Variants in SYT10 observed in about 807,000 individuals in gnomAD.
SYT10 encodes the protein synaptotagmin-10.
In SYT10, 31 loss-of-function variants were observed where a neutral mutation model predicts 51.1. The observed-to-expected ratio is 0.61, with a 90% CI of 0.46 to 0.82. The LOEUF (loss-of-function observed/expected upper bound fraction) is 0.82. Ranked by LOEUF, SYT10 falls within the 40% of genes least tolerant of loss-of-function variation. The pLI, the probability that SYT10 is intolerant of heterozygous loss-of-function variation, is 0.00. For synonymous variants in SYT10, 233 were observed against 225.9 expected (o/e 1.03, Z -0.28); for missense variants, 603 against 634.0 (o/e 0.95, Z 0.53).
chr12:33,434,671 G>A (rs1209042338), intron 1 of SYT10, among the ~76,000 whole-genome samples: 1 of 152,126 alleles, frequency 6.6e-6, no homozygotes, highest in Non-Finnish European at 1.5e-5. Flanking sequence ...TGGGCGTGGT[G>A]GCACATGCCT....
intron 1 of SYT10, among the ~76,000 whole-genome samples, chr12:33,428,948 CTG>C (rs1342513727): frequency 1.3e-5 from 2 of 150,828 alleles, no homozygotes; most frequent in Non-Finnish European, 2.9e-5. Flanking sequence ...GAAATGGACT[CTG>C]TGAGAGTAGA....
chr12:33,427,399 G>A (rs868408248), intron 1 of SYT10, among the ~76,000 whole-genome samples: 19 of 152,158 alleles, frequency 1.2e-4, no homozygotes, highest in Middle Eastern at 3.4e-3. Context: ...GAAAATTTTT[G>A]TTTCCTGAAG....
At chr12:33,428,705 C>T (rs1866572067) in intron 1 of SYT10, among the ~76,000 whole-genome samples, 1 of 152,028 alleles carries the variant, frequency 6.6e-6, no homozygotes, top group Non-Finnish European at 1.5e-5. Flanking sequence ...AGAAGATCGA[C>T]ACCATCCTGG....
At chr12:33,379,160 A>G (rs1866091691) in intron 6 of SYT10, among the ~76,000 whole-genome samples, 1 of 152,104 alleles carries the variant, frequency 6.6e-6, no homozygotes, top group Non-Finnish European at 1.5e-5. Flanking sequence ...AGCACTAAGC[A>G]CTTAATATTC....
chr12:33,439,502 G>A lies in SYT10; in HGVS notation c.21C>T (p.Asp7=), dbSNP rs373662241. The A allele has an allele frequency of 9.3e-6, 15 of 1,612,770 alleles. No individual in the cohort carries two copies. Among genetic ancestry groups the A allele is most frequent in the Non-Finnish European group, 1.1e-5 (13 of 1,179,662 alleles). ...CCTTCTGGCACAGACTGTTCACTCCGTCCTCCTTGTGGAAACTCATCGTTT... is the reference window on the plus strand; with the variant it reads ...CCTTCTGGCACAGACTGTTCACTCCATCCTCCTTGTGGAAACTCATCGTTT... The part of the protein sequence containing the change: MSFHKE[D]GVNSLCQKAL... The change falls in exon 1 of 7, where the codon GAC becomes GAT. Residue 7 remains aspartate, a synonymous_variant. Transcript: ENST00000228567.
chr12:33,376,715 T>C lies in SYT10; in HGVS notation c.*115A>G. On this transcript the variant is annotated 3_prime_UTR_variant, in exon 7 of 7. Transcript: ENST00000228567. ...AGCAAATAAAAAAGTGCACATCAAG[T>C]TTGTTCATTAGTACGGATATATTTC... 8.6e-7 allele frequency: 1 copy of C among 1,168,192 alleles called. No individual in the cohort carries two copies. Among genetic ancestry groups the C allele is most frequent in the Non-Finnish European group, 1.2e-6 (1 of 818,214 alleles). The allele number at this position is 1,168,192 out of a possible 1,614,324, so 72.4% of individuals were successfully genotyped here. A position where few individuals can be genotyped will look rare whatever the true frequency, so the allele number is the denominator to read the frequency against.
intron 2 of SYT10, among the ~76,000 whole-genome samples, chr12:33,414,748 C>G (rs1352979621): frequency 6.6e-6 from 1 of 152,076 alleles, no homozygotes; most frequent in Non-Finnish European, 1.5e-5. Context: ...AAATTGACAC[C>G]CTAACATCAC....
At chr12:33,424,223 T>C (rs11052694) in intron 2 of SYT10, among the ~76,000 whole-genome samples, 21,251 of 152,108 alleles carry the variant, frequency 0.14, 1,764 homozygotes, top group African/African-American at 0.21. Context: ...AAGAAGTCTT[T>C]GCTCACGTGT....
At chr12:33,402,433 G>A (rs1866314852) in intron 3 of SYT10, among the ~76,000 whole-genome samples, 1 of 152,082 alleles carries the variant, frequency 6.6e-6, no homozygotes, top group South Asian at 2.1e-4. Flanking sequence ...ATTTTCATAT[G>A]GGATATAGTC....
intron 3 of SYT10, among the ~76,000 whole-genome samples, chr12:33,397,054 A>G (rs549433951): frequency 3.9e-5 from 6 of 152,200 alleles, no homozygotes; most frequent in Non-Finnish European, 7.3e-5. Context: ...TCTTATCATC[A>G]GCCTTTGAAG....
chr12:33,420,153 G>A (rs892918578), intron 2 of SYT10, among the ~76,000 whole-genome samples: 8 of 152,016 alleles, frequency 5.3e-5, no homozygotes, highest in Non-Finnish European at 1.2e-4. Context: ...ACATCTCCTC[G>A]ACCTTACTGC....
chr12:33,388,746 A>T (rs2138392083), intron 3 of SYT10, among the ~76,000 whole-genome samples: 1 of 152,364 alleles, frequency 6.6e-6, no homozygotes, highest in South Asian at 2.1e-4. Context: ...ACCAGAATGT[A>T]GCTGGGTAGA....
intron 1 of SYT10, among the ~76,000 whole-genome samples, chr12:33,436,090 T>C (rs1443270409): frequency 1.3e-5 from 2 of 152,190 alleles, no homozygotes; most frequent in African/African-American, 4.8e-5. Flanking sequence ...TGGGATTGAT[T>C]AGCTGTGATT....
chr12:33,376,735 T>A lies in SYT10; in HGVS notation c.*95A>T. On this transcript the variant is annotated 3_prime_UTR_variant, in exon 7 of 7. Transcript: ENST00000228567. ...TCAAGTTTGTTCATTAGTACGGATA[T>A]ATTTCAAATGAGGAAACCAAACCTT... The A allele has an allele frequency of 7.2e-7, 1 of 1,382,904 alleles. No individual in the cohort carries two copies. 85.7% of individuals were successfully genotyped at this position (1,382,904 alleles called of 1,614,324 possible).
At chr12:33,429,636 T>C (rs1393282925) in intron 1 of SYT10, among the ~76,000 whole-genome samples, 2 of 152,152 alleles carry the variant, frequency 1.3e-5, no homozygotes, top group Non-Finnish European at 2.9e-5. Flanking sequence ...AGAGAGTGTA[T>C]TGGGCAGATA....
At chr12:33,388,682 G>A (rs541034822) in intron 3 of SYT10, among the ~76,000 whole-genome samples, 48 of 152,276 alleles carry the variant, frequency 3.2e-4, no homozygotes, top group African/African-American at 1.1e-3. Context: ...TGAAAAAAGG[G>A]TAACACTGAA....
Position 33,439,471 on chromosome 12 carries a change from G to GCGT in SYT10, c.51_52insACG (p.Leu17_His18insThr). ...GCGAAGCACAGCTCGGTGACGATGT[G>GCGT]CAGAGCCTTCTGGCACAGACTGTTC... On this transcript the variant is annotated inframe_insertion, in exon 1 of 7. Transcript: ENST00000228567. The GCGT allele has an allele frequency of 6.2e-7, 1 of 1,614,224 alleles. No individual in the cohort carries two copies. Among genetic ancestry groups the GCGT allele is most frequent in the Non-Finnish European group, 8.5e-7 (1 of 1,180,012 alleles).
intron 2 of SYT10, among the ~76,000 whole-genome samples, chr12:33,408,527 G>A (rs1265606212): frequency 6.6e-6 from 1 of 152,104 alleles, no homozygotes; most frequent in East Asian, 1.9e-4. Flanking sequence ...TTTCTGGCAC[G>A]AACTGTGCCA....
chr12:33,434,469 C>T (rs1412279742), intron 1 of SYT10, among the ~76,000 whole-genome samples: 1 of 152,104 alleles, frequency 6.6e-6, no homozygotes, highest in African/African-American at 2.4e-5. Context: ...AAAGTTGAAG[C>T]TTCTTGATAA....
Sources: allele counts gnomAD v4.1 joint callset (sites outside exome capture counted in the v4.1 genomes callset), GRCh38; gene constraint gnomAD v4.1.1; transcripts MANE v1.5; gene names NCBI Gene and HGNC (gene_info 2026-07-23, HGNC 2026-07-21).